Variants in ZFHX3 observed in about 807,000 individuals in gnomAD.
The protein encoded by ZFHX3 is zinc finger homeobox 3.
In ZFHX3, 42 loss-of-function variants were observed where a neutral mutation model predicts 279.1. The observed-to-expected ratio is 0.15, with a 90% CI of 0.12 to 0.19. The LOEUF is 0.19. Among genes scored for constraint, ZFHX3 ranks in the 10% least tolerant of loss-of-function variants. The pLI, the probability that ZFHX3 is intolerant of heterozygous loss-of-function variation, is 1.00. For missense variants in ZFHX3, 4,981 were observed against 4,754.0 expected, an observed-to-expected ratio of 1.05 and a Z score of -1.40; for synonymous variants, 2,293 against 1,957.8, an observed-to-expected ratio of 1.17 and a Z score of -4.52.
chr16:73,214,713 A>G (rs1418498759), intron 5 of ZFHX3, among the ~76,000 whole-genome samples: 4 of 152,170 alleles, frequency 2.6e-5, no homozygotes, highest in African/African-American at 7.2e-5. Flanking sequence ...TCAAGACAGA[A>G]AATACAACTC....
chr16:72,850,798 A>T (rs1485842673), intron 4 of ZFHX3, among the ~76,000 whole-genome samples: 2 of 151,928 alleles, frequency 1.3e-5, no homozygotes, highest in South Asian at 2.1e-4. Flanking sequence ...GCCTAAAATT[A>T]AAAAAAATAA....
intron 2 of ZFHX3, among the ~76,000 whole-genome samples, chr16:73,492,491 G>T (rs2019070751): frequency 6.6e-6 from 1 of 152,216 alleles, no homozygotes; most frequent in African/African-American, 2.4e-5. Flanking sequence ...CACCAGGGAA[G>T]CTGCATGGCA....
intron 3 of ZFHX3, among the ~76,000 whole-genome samples, chr16:73,373,725 T>A (rs577048392): frequency 6.6e-6 from 1 of 152,298 alleles, no homozygotes; most frequent in East Asian, 1.9e-4. Context: ...TCTGAACACA[T>A]CTTTGGTTCA....
chr16:72,788,931 G>C (rs1023166720), intron 9 of ZFHX3, 83 bp from the exon 10 acceptor site: 1 of 1,489,774 alleles, frequency 6.7e-7, no homozygotes, highest in African/African-American at 1.4e-5. Context: ...GGTGTCACTG[G>C]CACACAGTTT....
At chr16:73,036,403 C>T (rs577594704) in intron 1 of ZFHX3, among the ~76,000 whole-genome samples, 65 of 152,200 alleles carry the variant, frequency 4.3e-4, no homozygotes, top group African/African-American at 1.4e-3. Context: ...CACAGGAATG[C>T]GCTCTGCCGC....
At chr16:73,575,949 A>C (rs2051794893) in intron 2 of ZFHX3, among the ~76,000 whole-genome samples, 1 of 152,158 alleles carries the variant, frequency 6.6e-6, no homozygotes, top group East Asian at 1.9e-4. Context: ...GGAGATGTAC[A>C]CACAAAATGG....
chr16:73,798,167 T>C (rs1960048464), intron 1 of ZFHX3, among the ~76,000 whole-genome samples: 1 of 152,166 alleles, frequency 6.6e-6, no homozygotes, highest in Admixed American at 6.6e-5. Flanking sequence ...TACTATAATG[T>C]TCAGACCAAT....
chr16:73,745,663 C>G (rs962409756), intron 1 of ZFHX3, among the ~76,000 whole-genome samples: 1 of 152,128 alleles, frequency 6.6e-6, no homozygotes, highest in African/African-American at 2.4e-5. Flanking sequence ...TTTTGAAAAC[C>G]TTTCTTTTTA....
chr16:73,110,799 C>T (rs1005707164), intron 7 of ZFHX3, among the ~76,000 whole-genome samples: 3 of 152,104 alleles, frequency 2.0e-5, no homozygotes, highest in African/African-American at 2.4e-5. Flanking sequence ...TCTGGGCTCA[C>T]GTGATCTGCC....
chr16:73,519,577 C>T lies in ZFHX3; in HGVS notation c.-1546-63319G>A, dbSNP rs561855396. Reference sequence around the variant, plus strand: ...TCTTTCCGTCCCATTTTCTACCTCCCAAAGGAGACCACCGTTCTCTGTCCC... The same window carrying T: ...TCTTTCCGTCCCATTTTCTACCTCCTAAAGGAGACCACCGTTCTCTGTCCC... On this transcript the variant is annotated intron_variant, in intron 2 of 17. Transcript: ENST00000641206. 7.2e-5 allele frequency among the ~76,000 whole-genome samples: 11 copies of T among 152,136 alleles called. No individual in the cohort carries two copies. In the East Asian group the frequency reaches 2.1e-3, roughly 30 times the overall value.
intron 3 of ZFHX3, among the ~76,000 whole-genome samples, chr16:72,945,086 C>A (rs1337410471): frequency 1.3e-5 from 2 of 151,912 alleles, no homozygotes; most frequent in African/African-American, 4.8e-5. Flanking sequence ...CCAGAGTGAC[C>A]CACACAAAGC....
chr16:73,003,512 A>AC (rs142323888), intron 1 of ZFHX3, among the ~76,000 whole-genome samples: 21,401 of 120,316 alleles, frequency 0.18, 2,248 homozygotes, highest in Middle Eastern at 0.24. Context: ...ACATGGTGAG[A>AC]CCCCCCCCTC....
intron 7 of ZFHX3, among the ~76,000 whole-genome samples, chr16:73,095,202 G>A (rs1966145275): frequency 6.6e-6 from 1 of 152,172 alleles, no homozygotes; most frequent in Admixed American, 6.6e-5. Context: ...TGGGACTACA[G>A]GCATGAGCCA....
Position 72,958,500 on chromosome 16 carries a change from G to A in ZFHX3, c.1646C>T (p.Ser549Phe), listed in dbSNP as rs747830670. The A allele has an allele frequency of 6.2e-7, 1 of 1,614,092 alleles. No individual in the cohort carries two copies. Among genetic ancestry groups the A allele is most frequent in the East Asian group, 2.2e-5 (1 of 44,876 alleles). Residue 549 changes from serine (S) to phenylalanine (F), a missense_variant, in exon 2 of 10, where the codon TCT (serine) becomes TTT (phenylalanine). Around this residue, in one of 7 missense-constraint regions of ZFHX3, gnomAD observed 1,068 missense variants for 935.2 expected, o/e 1.14. Coordinates refer to ENST00000268489, the MANE Select transcript of ZFHX3 (RefSeq NM_006885.4). ...VLQTLSRGTASTSSNSASSFV... is the reference protein window; with the variant it reads ...VLQTLSRGTAFTSSNSASSFV... ...GGAAGAAGCAGAATTAGAACTAGTAGAAGCTGTGCCCCTCGACAGGGTCTG... is the reference window on the plus strand; with the variant it reads ...GGAAGAAGCAGAATTAGAACTAGTAAAAGCTGTGCCCCTCGACAGGGTCTG...
At chr16:73,628,087 A>T (rs1423460553) in intron 2 of ZFHX3, among the ~76,000 whole-genome samples, 1 of 152,184 alleles carries the variant, frequency 6.6e-6, no homozygotes, top group African/African-American at 2.4e-5. Flanking sequence ...GCACAATGGT[A>T]TCTATTTTAT....
intron 2 of ZFHX3, among the ~76,000 whole-genome samples, chr16:73,464,453 GA>G (rs34147553): frequency 0.17 from 22,722 of 131,400 alleles, 2,192 homozygotes; most frequent in East Asian, 0.5. Context: ...ATCAATTTAA[GA>G]AAAAAAAAAA....
At chr16:73,428,436 G>A (rs1327205218) in intron 3 of ZFHX3, among the ~76,000 whole-genome samples, 2 of 152,252 alleles carry the variant, frequency 1.3e-5, no homozygotes, top group East Asian at 1.9e-4. Context: ...TACCACAGAA[G>A]AAAACACCTC....
At chr16:73,727,515 G>GT (rs887141653) in intron 1 of ZFHX3, among the ~76,000 whole-genome samples, 39 of 152,272 alleles carry the variant, frequency 2.6e-4, no homozygotes, top group Admixed American at 8.5e-4. Flanking sequence ...GAGATGACAA[G>GT]TTTTGATTTT....
At chr16:73,388,202 G>A (rs541254443) in intron 3 of ZFHX3, among the ~76,000 whole-genome samples, 2 of 152,268 alleles carry the variant, frequency 1.3e-5, no homozygotes, top group South Asian at 4.1e-4. Context: ...GCTGCCACAG[G>A]TCTTCTTGGA....
Sources: gnomAD v4.1 joint callset for allele counts (sites outside exome capture counted in the v4.1 genomes callset) on GRCh38, gnomAD v4.1.1 for gene constraint, gnomAD v4.1.1 regional missense constraint, MANE v1.5 for transcripts, NCBI Gene and HGNC (gene_info 2026-07-23, HGNC 2026-07-21) for gene names.